The following IL5 variants were observed in gnomAD, a reference collection of about 807,000 sequenced individuals.
The protein encoded by IL5 is interleukin-5.
IL5 carries 12 observed loss-of-function variants against 16.3 expected under a neutral mutation model. The ratio of observed to expected loss-of-function variants is 0.74; its 90% CI spans 0.47 to 1.20. The LOEUF is 1.20. IL5 is among the 50% of genes most tolerant of loss of function. The probability of loss-of-function intolerance (pLI) is 0.00; values close to 1 mark genes in which losing one functional copy is unlikely to be tolerated. For synonymous variants in IL5, 54 were observed against 56.6 expected, an observed-to-expected ratio of 0.95 and a Z score of 0.21; for missense variants, 159 against 153.9, an observed-to-expected ratio of 1.03 and a Z score of -0.17.
chr5:132,543,535 C>A, upstream of IL5: 2 of 1,496,542 alleles, frequency 1.3e-6, no homozygotes, highest in East Asian at 2.3e-5. Flanking sequence ...TACAAGACTG[C>A]GTCCCCAGTC....
intron 1 of IL5, among the ~76,000 whole-genome samples, chr5:132,553,341 T>C (rs549103245): frequency 6.6e-6 from 1 of 152,306 alleles, no homozygotes; most frequent in South Asian, 2.1e-4. Context: ...AGATTCAAGT[T>C]CAACTTTTTT....
At position 132,541,652 on chromosome 5, in the gene IL5, G is replaced by T; in HGVS notation, c.*159C>A. 4 of 504,802 alleles carry T rather than the reference G, an allele frequency of 7.9e-6. No homozygotes were observed. The highest frequency in any genetic ancestry group is 6.4e-5 in the East Asian group (2 of 31,384). 31.3% of individuals were successfully genotyped at this position (504,802 alleles called of 1,614,324 possible). A position where few individuals can be genotyped will look rare whatever the true frequency, so the allele number is the denominator to read the frequency against. ...CTGAAATATATTTTAAGAATTTTAT[G>T]CTTTCTGGCAAAGTGTCAGTATGCC... On this transcript the variant is annotated 3_prime_UTR_variant, in exon 4 of 4. Coordinates refer to ENST00000231454, the MANE Select transcript of IL5 (RefSeq NM_000879.3).
chr5:132,543,547 A>T, upstream of IL5: 1 of 1,479,164 alleles, frequency 6.8e-7, no homozygotes, highest in Non-Finnish European at 9.1e-7. Context: ...TCCCCAGTCA[A>T]TTTATTGTCT....
chr5:132,549,081 A>G (rs779914874), intron 1 of IL5, among the ~76,000 whole-genome samples: 2 of 152,126 alleles, frequency 1.3e-5, no homozygotes, highest in Non-Finnish European at 2.9e-5. Context: ...TTTGAGACAG[A>G]GTCTTGCTCT....
rs2149823348 is a variant in IL5, at chr5:132,543,480, G to A, written c.-2C>T. ...ACTCAAATGCAGAAGCATCCTCATG[G>A]CTCTGAAACGTTCTGCGTTTGCCTT... On this transcript the variant is annotated 5_prime_UTR_variant, in exon 1 of 4. Transcript: ENST00000231454. The A allele has an allele frequency of 6.2e-7, 1 of 1,613,726 alleles. No homozygotes were observed. The highest frequency in any genetic ancestry group is 8.5e-7 in the Non-Finnish European group (1 of 1,179,848).
chr5:132,554,378 A>C (rs980046774), intron 1 of IL5, among the ~76,000 whole-genome samples: 6 of 151,858 alleles, frequency 4.0e-5, no homozygotes, highest in African/African-American at 1.4e-4. Context: ...AAAAAAAAAA[A>C]AAAAAAAAAG....
At chr5:132,547,311 C>T (rs529065359), upstream of IL5, among the ~76,000 whole-genome samples, 6 of 152,320 alleles carry the variant, frequency 3.9e-5, no homozygotes, top group Admixed American at 3.3e-4. Flanking sequence ...ATCATGTTAA[C>T]AGCATGTACC....
chr5:132,544,638 C>A (rs1580965496), upstream of IL5, among the ~76,000 whole-genome samples: 1 of 152,198 alleles, frequency 6.6e-6, no homozygotes, highest in South Asian at 2.1e-4. Context: ...AATGAGGCCC[C>A]CTCCTAGATC....
In IL5 at chr5:132,555,359, T is replaced by C. The variant is rs145057905; in HGVS notation, c.42+1315A>G. On this transcript the variant is annotated intron_variant, in intron 1 of 2. Transcript: ENST00000450655. ...AGTAAAAAATTATAGAGACAGTAAGTAGAATGTTGGTTGTCAGGGTTTGGA... is the reference window on the plus strand; with the variant it reads ...AGTAAAAAATTATAGAGACAGTAAGCAGAATGTTGGTTGTCAGGGTTTGGA... 6.7e-3 allele frequency among the ~76,000 whole-genome samples: 1,026 copies of C among 152,192 alleles called. 7 individuals are homozygous for C. Among genetic ancestry groups the C allele is most frequent in the South Asian group, 0.034 (162 of 4,818 alleles).
At chr5:132,543,062 C>T (rs1749723461) in intron 2 of IL5, 32 bp downstream of exon 2, 1 of 1,464,824 alleles carries the variant, frequency 6.8e-7, no homozygotes, top group Non-Finnish European at 9.6e-7. Flanking sequence ...CTTATTCATG[C>T]CATCATTTTA....
intron 1 of IL5, among the ~76,000 whole-genome samples, chr5:132,553,635 A>T (rs999929842): frequency 2.0e-5 from 3 of 152,010 alleles, no homozygotes; most frequent in Non-Finnish European, 2.9e-5. Flanking sequence ...CACAGTATTC[A>T]TTTAAATGGT....
At chr5:132,553,728 G>T (rs983491504) in intron 1 of IL5, among the ~76,000 whole-genome samples, 1 of 148,784 alleles carries the variant, frequency 6.7e-6, no homozygotes, top group East Asian at 2.1e-4. Context: ...CGAGGTCAGG[G>T]GATAGAGACC....
At chr5:132,543,758 C>A, upstream of IL5, 1 of 257,016 alleles carries the variant, frequency 3.9e-6, no homozygotes, top group East Asian at 7.4e-5. Context: ...CATTGCCCCA[C>A]ATTTGCATTT....
chr5:132,547,038 G>A (rs1435084443), upstream of IL5, among the ~76,000 whole-genome samples: 2 of 151,992 alleles, frequency 1.3e-5, no homozygotes, highest in East Asian at 3.8e-4. Flanking sequence ...AAAAAAGAAA[G>A]AGCTTTATTA....
chr5:132,553,431 C>A (rs1169112474), intron 1 of IL5, among the ~76,000 whole-genome samples: 1 of 152,208 alleles, frequency 6.6e-6, no homozygotes, highest in African/African-American at 2.4e-5. Flanking sequence ...AATATCTTAT[C>A]TCAGTGATTG....
upstream of IL5, among the ~76,000 whole-genome samples, chr5:132,544,748 A>G (rs1316567999): frequency 6.6e-6 from 1 of 152,178 alleles, no homozygotes; most frequent in Non-Finnish European, 1.5e-5. Context: ...GAGTGGCTCT[A>G]TGTTGCAGCC....
intron 1 of IL5, among the ~76,000 whole-genome samples, chr5:132,555,477 G>A (rs188509445): frequency 1.3e-5 from 2 of 152,312 alleles, no homozygotes; most frequent in African/African-American, 2.4e-5. Context: ...ACGGTTGTAC[G>A]TGAGTATACT....
At chr5:132,554,423 C>T (rs2149828051) in intron 1 of IL5, among the ~76,000 whole-genome samples, 1 of 145,470 alleles carries the variant, frequency 6.9e-6, no homozygotes, top group East Asian at 2.0e-4. Context: ...CAAAGATACA[C>T]AAATGGCCAA....
chr5:132,553,207 A>G (rs1344618082), intron 1 of IL5, among the ~76,000 whole-genome samples: 4 of 152,170 alleles, frequency 2.6e-5, no homozygotes, highest in African/African-American at 9.6e-5. Context: ...TGATCTCCTG[A>G]GAGCCTGTGC....
Sources: allele counts gnomAD v4.1 joint callset (sites outside exome capture counted in the v4.1 genomes callset), GRCh38; gene constraint gnomAD v4.1.1; transcripts MANE v1.5; gene names NCBI Gene and HGNC (gene_info 2026-07-23, HGNC 2026-07-21).